Variants in IL1RAPL2 observed in about 807,000 individuals in gnomAD.
IL1RAPL2 encodes X-linked interleukin-1 receptor accessory protein-like 2.
IL1RAPL2 carries 3 observed loss-of-function variants against 44.1 expected under a neutral mutation model. The ratio of observed to expected loss-of-function variants is 0.07; its 90% CI spans 0.03 to 0.18. The LOEUF is 0.18. Among genes scored for constraint, IL1RAPL2 ranks in the 10% least tolerant of loss-of-function variants. The probability of loss-of-function intolerance (pLI) is 1.00; values close to 1 mark genes in which losing one functional copy is unlikely to be tolerated. For synonymous variants in IL1RAPL2, 181 were observed against 178.8 expected, an observed-to-expected ratio of 1.01 and a Z score of -0.10; for missense variants, 391 against 496.4, an observed-to-expected ratio of 0.79 and a Z score of 2.02.
At chrX:105,288,313 A>G (rs1294255631) in intron 5 of IL1RAPL2, among the ~76,000 whole-genome samples, 1 of 110,443 alleles carries the variant, frequency 9.1e-6, no homozygotes, top group African/African-American at 3.3e-5. Context: ...CTCTTCCTTT[A>G]CAAGATATAA....
chrX:104,791,870 A>G (rs1451104845), intron 2 of IL1RAPL2, among the ~76,000 whole-genome samples: 1 of 111,017 alleles, frequency 9.0e-6, no homozygotes, highest in Non-Finnish European at 1.9e-5. Flanking sequence ...AACAGTTCCT[A>G]ACTGATTTGA....
chrX:105,714,778 T>C (rs946115377), intron 6 of IL1RAPL2, among the ~76,000 whole-genome samples: 2 of 112,017 alleles, frequency 1.8e-5, no homozygotes, highest in African/African-American at 6.5e-5. Flanking sequence ...CAATTGAATT[T>C]CAATATGAGT....
chrX:105,143,528 A>T (rs371536736), intron 2 of IL1RAPL2, among the ~76,000 whole-genome samples: 1 of 111,897 alleles, frequency 8.9e-6, no homozygotes, highest in Non-Finnish European at 1.9e-5. Flanking sequence ...ATTGTGGAAG[A>T]CAGTGTGGCG....
At chrX:104,776,907 C>T (rs1234541281) in intron 2 of IL1RAPL2, among the ~76,000 whole-genome samples, 3 of 111,561 alleles carry the variant, frequency 2.7e-5, no homozygotes, top group African/African-American at 9.8e-5. Context: ...TTACCTAACG[C>T]TCTTTTTCTG....
chrX:105,688,431 GACAA>G lies in IL1RAPL2; in HGVS notation c.773-28932_773-28929del, dbSNP rs780047723. 8.7e-3 allele frequency among the ~76,000 whole-genome samples: 970 copies of G among 111,547 alleles called. 13 individuals carry two copies. The highest frequency in any genetic ancestry group is 0.03 in the African/African-American group (910 of 30,659). On this transcript the variant is annotated intron_variant, in intron 6 of 10. Transcript: ENST00000372582. ...CAAGCTTTCCTATACACCAATAACAGACAAACAGAGAGCCAAATTATGTGTGAAC... is the reference window on the plus strand; with the variant it reads ...CAAGCTTTCCTATACACCAATAACAGACAGAGAGCCAAATTATGTGTGAAC...
intron 5 of IL1RAPL2, among the ~76,000 whole-genome samples, chrX:105,426,727 G>A (rs2035813515): frequency 9.1e-6 from 1 of 109,954 alleles, no homozygotes; most frequent in Non-Finnish European, 1.9e-5. Flanking sequence ...AATATTTGCT[G>A]ATTAAATGAG....
intron 6 of IL1RAPL2, among the ~76,000 whole-genome samples, chrX:105,640,688 A>G (rs1761482212): frequency 1.1e-5 from 1 of 94,351 alleles, no homozygotes; most frequent in African/African-American, 3.8e-5. Context: ...ATATATATAT[A>G]TATACACACA....
At chrX:105,258,818 C>T (rs1437864914) in intron 4 of IL1RAPL2, among the ~76,000 whole-genome samples, 1 of 111,976 alleles carries the variant, frequency 8.9e-6, no homozygotes, top group East Asian at 2.8e-4. Flanking sequence ...TTTTGTCCTT[C>T]AGCTCCTGTA....
intron 2 of IL1RAPL2, among the ~76,000 whole-genome samples, chrX:105,041,980 G>A (rs763934850): frequency 2.7e-5 from 3 of 110,445 alleles, no homozygotes; most frequent in South Asian, 3.9e-4. Context: ...ATGGGGAAAG[G>A]ATTCCCTATT....
In IL1RAPL2 at chrX:105,102,372, G is replaced by A. The variant is rs185251821; in HGVS notation, c.83-93103G>A. Among the ~76,000 whole-genome samples the A allele has an allele frequency of 9.8e-4, 110 of 111,692 alleles. 1 individual carries two copies. The highest frequency in any genetic ancestry group is 1.6e-3 in the Non-Finnish European group (87 of 53,086). On this transcript the variant is annotated intron_variant, in intron 2 of 10. Transcript: ENST00000372582. Reference sequence around the variant, plus strand: ...CTGACTCTACCCTCCCCAACACACCGCACAAATGCTATATCATTCTCCTTC... The same window carrying A: ...CTGACTCTACCCTCCCCAACACACCACACAAATGCTATATCATTCTCCTTC...
chrX:104,668,244 C>A (rs73635155), intron 2 of IL1RAPL2, among the ~76,000 whole-genome samples: 343 of 110,734 alleles, frequency 3.1e-3, no homozygotes, highest in African/African-American at 0.011. Flanking sequence ...TTGGTTAAGG[C>A]GCTTTAGATT....
chrX:105,524,951 G>A (rs1274578027), intron 6 of IL1RAPL2, among the ~76,000 whole-genome samples: 2 of 111,338 alleles, frequency 1.8e-5, no homozygotes, highest in East Asian at 5.7e-4. Flanking sequence ...CTTGATAAAT[G>A]CTTAGCAAAT....
At chrX:105,574,386 G>A in intron 6 of IL1RAPL2, among the ~76,000 whole-genome samples, 1 of 111,307 alleles carries the variant, frequency 9.0e-6, no homozygotes, top group Non-Finnish European at 1.9e-5. Context: ...AGATATAGGA[G>A]GAGACCCACT....
At position 105,231,512 on chromosome X, in the gene IL1RAPL2, G is replaced by T. The variant is rs1346693891; in HGVS notation, c.357-2306G>T. On this transcript the variant is annotated intron_variant, in intron 3 of 10. Coordinates refer to ENST00000372582, the MANE Select transcript of IL1RAPL2 (RefSeq NM_017416.2). ...TACAAAAATGGAAAAAAAATAACATGTCTCTCAAATAGATACCTTTTGATG... is the reference window on the plus strand; with the variant it reads ...TACAAAAATGGAAAAAAAATAACATTTCTCTCAAATAGATACCTTTTGATG... 3.6e-5 allele frequency among the ~76,000 whole-genome samples: 4 copies of T among 111,874 alleles called. No individual in the cohort carries two copies. The Admixed American group carries it at 3.8e-4, about 11-fold the overall frequency.
At chrX:104,946,127 C>A (rs1348761687) in intron 2 of IL1RAPL2, among the ~76,000 whole-genome samples, 14 of 106,577 alleles carry the variant, frequency 1.3e-4, no homozygotes, top group Non-Finnish European at 2.5e-4. Context: ...TTTCCCAGCA[C>A]TTTGGGAGGC....
chrX:104,583,611 T>A (rs1401263583), intron 1 of IL1RAPL2, among the ~76,000 whole-genome samples: 1 of 112,346 alleles, frequency 8.9e-6, no homozygotes, highest in Non-Finnish European at 1.9e-5. Context: ...TATTTCATAG[T>A]ATCTATATAT....
chrX:105,658,681 C>T (rs1369840173), intron 6 of IL1RAPL2, among the ~76,000 whole-genome samples: 1 of 108,853 alleles, frequency 9.2e-6, no homozygotes, highest in East Asian at 2.9e-4. Context: ...AAAAAATTGC[C>T]GAGGTGTGGT....
intron 6 of IL1RAPL2, among the ~76,000 whole-genome samples, chrX:105,577,064 T>C (rs1038652424): frequency 1.1e-4 from 12 of 111,421 alleles, no homozygotes; most frequent in African/African-American, 3.9e-4. Context: ...AATTAAAAGC[T>C]TATCCACAAG....
intron 2 of IL1RAPL2, among the ~76,000 whole-genome samples, chrX:104,965,347 A>G (rs773651511): frequency 6.2e-5 from 7 of 112,121 alleles, no homozygotes; most frequent in East Asian, 2.8e-4. Flanking sequence ...GAAAATGTAT[A>G]TATGTAGTCT....
Sources: allele counts gnomAD v4.1 joint callset (sites outside exome capture counted in the v4.1 genomes callset), GRCh38; gene constraint gnomAD v4.1.1; transcripts MANE v1.5; gene names NCBI Gene and HGNC (gene_info 2026-07-23, HGNC 2026-07-21).